Variants in LIPC observed in about 807,000 individuals in gnomAD.
The protein encoded by LIPC is hepatic triacylglycerol lipase.
LIPC carries 44 observed loss-of-function variants against 50.7 expected under a neutral mutation model. The ratio of observed to expected loss-of-function variants is 0.87; its 90% confidence interval spans 0.68 to 1.11. LIPC has a LOEUF of 1.11. LIPC is among the 50% of genes most tolerant of loss of function. The pLI, the probability that LIPC is intolerant of heterozygous loss-of-function variation, is 0.00. For missense variants in LIPC, 697 were observed against 648.2 expected, an observed-to-expected ratio of 1.08 and a Z score of -0.82; for synonymous variants, 271 against 256.4, an observed-to-expected ratio of 1.06 and a Z score of -0.54.
In LIPC at chr15:58,464,993, G is replaced by T. The variant is rs186674701; in HGVS notation, c.88+32873G>T. ...GTCTCAAAAATGGGGAGCGAGGGGGGAGCCCACCACACAACAAAACATATA... is the reference window on the plus strand; with the variant it reads ...GTCTCAAAAATGGGGAGCGAGGGGGTAGCCCACCACACAACAAAACATATA... On this transcript the variant is annotated intron_variant, in intron 1 of 8. Coordinates refer to ENST00000299022, the MANE Select transcript of LIPC (RefSeq NM_000236.3). 1.7e-3 allele frequency among the ~76,000 whole-genome samples: 265 copies of T among 152,182 alleles called. 2 individuals are homozygous for T. The South Asian group carries it at 0.023, about 13-fold the overall frequency.
intron 1 of LIPC, chr15:58,432,421 T>C (rs529364206): frequency 6.4e-5 from 26 of 408,352 alleles, no homozygotes; most frequent in African/African-American, 4.8e-4. Flanking sequence ...GCAAATGATA[T>C]GAAAGCGATT....
intron 6 of LIPC, among the ~76,000 whole-genome samples, chr15:58,555,538 G>C (rs1425161854): frequency 6.6e-6 from 1 of 152,202 alleles, no homozygotes; most frequent in Non-Finnish European, 1.5e-5. Context: ...CTGCTCCACT[G>C]AACTATCTGG....
At position 58,549,291 on chromosome 15, in the gene LIPC, A is replaced by C. The variant is rs140042238; in HGVS notation, c.1051+719A>C. Among the ~76,000 whole-genome samples, 291 of 152,360 alleles carry C rather than the reference A, an allele frequency of 1.9e-3. 2 individuals carry two copies. The highest frequency in any genetic ancestry group is 6.6e-3 in the African/African-American group (275 of 41,576). The stretch of plus-strand genomic sequence containing the variant: ...TGCCTAATCCCTAAAACAGCTCGGG[A>C]GTGCTTTAGCATCTCACTGTTTCAT... On this transcript the variant is annotated intron_variant, in intron 6 of 8. Transcript: ENST00000299022.
At chr15:58,554,011 C>T (rs1378533720) in intron 6 of LIPC, among the ~76,000 whole-genome samples, 1 of 151,858 alleles carries the variant, frequency 6.6e-6, no homozygotes, top group East Asian at 1.9e-4. Context: ...AAAAAAAAAG[C>T]CCTCTTTGAT....
intron 1 of LIPC, among the ~76,000 whole-genome samples, chr15:58,518,364 G>C (rs1378307479): frequency 6.6e-6 from 1 of 152,168 alleles, no homozygotes; most frequent in Non-Finnish European, 1.5e-5. Context: ...GATTAAGTTA[G>C]TTCTGTGAAA....
chr15:58,529,081 G>A (rs1262788489), intron 1 of LIPC, among the ~76,000 whole-genome samples: 2 of 152,156 alleles, frequency 1.3e-5, no homozygotes, highest in Admixed American at 6.5e-5. Flanking sequence ...CAATTGTGTA[G>A]TTTATGTCTG....
chr15:58,513,544 C>A (rs1892397084), intron 1 of LIPC, among the ~76,000 whole-genome samples: 1 of 152,196 alleles, frequency 6.6e-6, no homozygotes, highest in African/African-American at 2.4e-5. Context: ...CCCCTAAAAA[C>A]AGACCTCAGA....
intron 1 of LIPC, among the ~76,000 whole-genome samples, chr15:58,483,040 G>T (rs1381952303): frequency 6.6e-6 from 1 of 152,208 alleles, no homozygotes; most frequent in Admixed American, 6.5e-5. Flanking sequence ...TCTAGACAGA[G>T]AGTGTGTTGT....
chr15:58,553,808 C>T (rs568433243), intron 6 of LIPC, among the ~76,000 whole-genome samples: 7 of 152,260 alleles, frequency 4.6e-5, no homozygotes, highest in African/African-American at 1.2e-4. Flanking sequence ...TCAGCCTTGC[C>T]GGCACTGGCT....
chr15:58,483,511 G>A (rs574740250), intron 1 of LIPC, among the ~76,000 whole-genome samples: 44 of 152,294 alleles, frequency 2.9e-4, no homozygotes, highest in African/African-American at 1.0e-3. Flanking sequence ...TGGAGAGGAG[G>A]CTGCTGTGAG....
rs540888868 is a variant in LIPC, at chr15:58,520,635, C to T, written c.89-17698C>T. ...AAACGCTTGGCCAAAAAAGGAAATA[C>T]GGAGGGCGGGGGCAGCTTGCTTCAA... On this transcript the variant is annotated intron_variant, in intron 1 of 8. Transcript: ENST00000299022. 2.5e-3 allele frequency among the ~76,000 whole-genome samples: 388 copies of T among 152,214 alleles called. 2 individuals are homozygous for T. The highest frequency in any genetic ancestry group is 8.8e-3 in the African/African-American group (364 of 41,540).
intron 1 of LIPC, among the ~76,000 whole-genome samples, chr15:58,514,259 A>G (rs774614462): frequency 6.6e-6 from 1 of 152,242 alleles, no homozygotes; most frequent in Non-Finnish European, 1.5e-5. Context: ...TGGAAGGTGG[A>G]TAGCAATCGC....
At chr15:58,463,262 G>T (rs1894420598) in intron 1 of LIPC, among the ~76,000 whole-genome samples, 1 of 152,220 alleles carries the variant, frequency 6.6e-6, no homozygotes, top group African/African-American at 2.4e-5. Flanking sequence ...GGTCCTGATG[G>T]CCACTTGCGT....
chr15:58,560,677 A>T (rs987394544), intron 6 of LIPC, among the ~76,000 whole-genome samples, 187 bp from the exon 7 acceptor site: 1 of 152,068 alleles, frequency 6.6e-6, no homozygotes, highest in African/African-American at 2.4e-5. Flanking sequence ...ATAGACATTT[A>T]GGAAATACAG....
chr15:58,545,667 T>A, intron 4 of LIPC, 75 bp from the exon 5 acceptor site: 1 of 1,250,520 alleles, frequency 8.0e-7, no homozygotes, highest in Non-Finnish European at 1.2e-6. Context: ...TATAATAATA[T>A]CCAAAAGCTA....
At chr15:58,499,265 C>A (rs1250086222) in intron 1 of LIPC, among the ~76,000 whole-genome samples, 8 of 152,170 alleles carry the variant, frequency 5.3e-5, no homozygotes, top group African/African-American at 1.9e-4. Flanking sequence ...TTGGGGACAG[C>A]AGATTCTTTG....
At chr15:58,558,232 C>T (rs1481103523) in intron 6 of LIPC, among the ~76,000 whole-genome samples, 1 of 151,328 alleles carries the variant, frequency 6.6e-6, no homozygotes, top group African/African-American at 2.4e-5. Context: ...ACCACCACAC[C>T]CAGCTAATTT....
At chr15:58,482,023 G>C (rs1469154225) in intron 1 of LIPC, among the ~76,000 whole-genome samples, 1 of 152,190 alleles carries the variant, frequency 6.6e-6, no homozygotes, top group Admixed American at 6.5e-5. Context: ...GAAGCAGGAG[G>C]AGACTTGTCA....
chr15:58,518,713 A>G lies in LIPC; in HGVS notation c.89-19620A>G, dbSNP rs138530928. ...ATGTTGGGTGAGAAGAGCCAGGCCC[A>G]AAAGAGCATCTATTGTGTGAATCTA... On this transcript the variant is annotated intron_variant, in intron 1 of 8. Transcript: ENST00000299022. 4.2e-3 allele frequency among the ~76,000 whole-genome samples: 644 copies of G among 152,346 alleles called. 3 individuals are homozygous for G. The highest frequency in any genetic ancestry group is 0.014 in the African/African-American group (599 of 41,580).
Sources: gnomAD v4.1 joint callset for allele counts (sites outside exome capture counted in the v4.1 genomes callset) on GRCh38, gnomAD v4.1.1 for gene constraint, MANE v1.5 for transcripts, NCBI Gene and HGNC (gene_info 2026-07-23, HGNC 2026-07-21) for gene names.